Variants in PKHD1 observed in about 807,000 individuals in gnomAD.
The protein encoded by PKHD1 is fibrocystin.
PKHD1 carries 291 observed loss-of-function variants against 412.0 expected under a neutral mutation model. That is an observed-to-expected ratio of 0.71 (90% CI 0.64 to 0.78). The LOEUF (loss-of-function observed/expected upper bound fraction) is 0.78. PKHD1 is among the 30% of genes least tolerant of loss of function. The pLI is 0.00. For missense variants in PKHD1, 4,825 were observed against 4,950.7 expected (o/e 0.97, Z 0.76); for synonymous variants, 1,777 against 1,821.5 (o/e 0.98, Z 0.62).
intron 53 of PKHD1, among the ~76,000 whole-genome samples, chr6:51,777,321 C>G (rs1791192824): frequency 6.6e-6 from 1 of 152,086 alleles, no homozygotes; most frequent in South Asian, 2.1e-4. Context: ...TATAGTTCAG[C>G]CTTCACAGCC....
chr6:51,713,394 G>C (rs1780871488), intron 60 of PKHD1, among the ~76,000 whole-genome samples: 1 of 152,196 alleles, frequency 6.6e-6, no homozygotes, highest in African/African-American at 2.4e-5. Flanking sequence ...GGGAAAAAAA[G>C]TTTGGTTGGC....
chr6:51,959,928 A>C lies in PKHD1; in HGVS notation c.5850T>G (p.Asn1950Lys), dbSNP rs746505173. 6.2e-7 allele frequency: 1 copy of C among 1,613,572 alleles called. No homozygotes were observed. The highest frequency in any genetic ancestry group is 1.7e-5 in the Admixed American group (1 of 59,984). ...PQDGDNVTVE[N>K]GQLLLLDTNT... ...TAGTGTCCAGCAGAAGCAATTGGCC[A>C]TTCTCCACTGTGACGTTGTCGCCAT... Residue 1950 changes from asparagine (N) to lysine (K), a missense_variant, in exon 36 of 67, where the codon AAT becomes AAG. Physicochemically the swap from Asn to Lys is moderately conservative, Grantham distance 94. Transcript: ENST00000371117.
chr6:52,048,092 G>A (rs1441141588), intron 23 of PKHD1, among the ~76,000 whole-genome samples: 1 of 152,186 alleles, frequency 6.6e-6, no homozygotes, highest in Admixed American at 6.5e-5. Flanking sequence ...GCCACCACCA[G>A]AAGCCAGAAG....
Position 51,925,072 on chromosome 6 carries a change from C to T in PKHD1, c.6121+9038G>A, listed in dbSNP as rs551328076. Among the ~76,000 whole-genome samples the T allele has an allele frequency of 4.6e-5, 7 of 152,284 alleles. No homozygotes were observed. The East Asian group carries it at 7.7e-4, about 17-fold the overall frequency. ...CACGGTAGAGATGGGATTTGGACCA[C>T]GCAGTCCACTTCAAGAGCCCAGGCT... On this transcript the variant is annotated intron_variant, in intron 37 of 66. Transcript: ENST00000371117.
At chr6:51,768,701 C>G (rs1789542653) in intron 55 of PKHD1, among the ~76,000 whole-genome samples, 1 of 151,632 alleles carries the variant, frequency 6.6e-6, no homozygotes, top group Admixed American at 6.6e-5. Flanking sequence ...TTGGCTAAAA[C>G]TTTAATAATA....
At chr6:51,766,264 T>G (rs1409388697) in intron 55 of PKHD1, among the ~76,000 whole-genome samples, 1 of 152,206 alleles carries the variant, frequency 6.6e-6, no homozygotes, top group East Asian at 1.9e-4. Flanking sequence ...CCTATCAAGA[T>G]AGCTACCTAT....
chr6:52,015,740 C>T (rs182276497), intron 34 of PKHD1, among the ~76,000 whole-genome samples: 608 of 152,104 alleles, frequency 4.0e-3, no homozygotes, highest in African/African-American at 0.013. Flanking sequence ...AGGAGAATGG[C>T]TTGAACCCGG....
chr6:52,011,133 G>C (rs1160627669), intron 34 of PKHD1, among the ~76,000 whole-genome samples: 1 of 152,150 alleles, frequency 6.6e-6, no homozygotes, highest in African/African-American at 2.4e-5. Flanking sequence ...CGCTTTAAAA[G>C]TCCTCTTGCT....
chr6:51,705,869 C>T (rs1386397198), intron 60 of PKHD1, among the ~76,000 whole-genome samples: 3 of 152,108 alleles, frequency 2.0e-5, no homozygotes, highest in Non-Finnish European at 2.9e-5. Flanking sequence ...TGATTAATCA[C>T]AGGTGCTGGC....
At chr6:51,700,493 T>G (rs1040084323) in intron 60 of PKHD1, among the ~76,000 whole-genome samples, 14 of 152,008 alleles carry the variant, frequency 9.2e-5, no homozygotes, top group Non-Finnish European at 2.1e-4. Flanking sequence ...CTAATTCCTC[T>G]GGATTGATGG....
intron 52 of PKHD1, among the ~76,000 whole-genome samples, chr6:51,816,718 G>A (rs900717483): frequency 1.2e-4 from 19 of 152,242 alleles, no homozygotes; most frequent in African/African-American, 4.3e-4. Context: ...TAACCAATCT[G>A]GCCATTTCTG....
At chr6:51,753,074 G>A in intron 57 of PKHD1, 127 bp downstream of exon 57, 2 of 813,110 alleles carry the variant, frequency 2.5e-6, no homozygotes, top group Non-Finnish European at 4.0e-6. Flanking sequence ...GCTTCTCCAA[G>A]CACAAAGGAA....
intron 60 of PKHD1, among the ~76,000 whole-genome samples, chr6:51,730,409 T>C (rs1783097350): frequency 6.6e-6 from 1 of 152,190 alleles, no homozygotes; most frequent in East Asian, 1.9e-4. Flanking sequence ...TTGTTTTTTC[T>C]CCCTACATGA....
chr6:51,656,767 C>G (rs1407240409), intron 61 of PKHD1, among the ~76,000 whole-genome samples: 1 of 151,376 alleles, frequency 6.6e-6, no homozygotes, highest in Non-Finnish European at 1.5e-5. Flanking sequence ...CTAAAACAAT[C>G]CACCTCAGCC....
At chr6:51,668,153 C>A (rs1045647568) in intron 60 of PKHD1, among the ~76,000 whole-genome samples, 1 of 152,186 alleles carries the variant, frequency 6.6e-6, no homozygotes, top group East Asian at 1.9e-4. Flanking sequence ...GCCATTTTCA[C>A]GATATTGATT....
intron 58 of PKHD1, 94 bp downstream of exon 58, chr6:51,747,693 G>A: frequency 9.2e-7 from 1 of 1,089,534 alleles, no homozygotes; most frequent in Admixed American, 1.7e-5. Flanking sequence ...AGACCACAAT[G>A]TACCTTTTTG....
chr6:52,041,975 AAAG>A (rs1199111163), intron 27 of PKHD1, among the ~76,000 whole-genome samples: 2 of 152,184 alleles, frequency 1.3e-5, no homozygotes, highest in African/African-American at 4.8e-5. Flanking sequence ...GGTAACTTTG[AAAG>A]AAGATCAAAG....
chr6:51,909,071 TGG>T (rs894039721), intron 40 of PKHD1, among the ~76,000 whole-genome samples: 2 of 152,134 alleles, frequency 1.3e-5, no homozygotes, highest in Non-Finnish European at 2.9e-5. Flanking sequence ...CAGAATTTGT[TGG>T]GGTAAGGTCT....
chr6:51,768,133 T>C (rs929160270), intron 55 of PKHD1, among the ~76,000 whole-genome samples: 1 of 151,572 alleles, frequency 6.6e-6, no homozygotes, highest in Admixed American at 6.6e-5. Context: ...AAGTGTCAGT[T>C]CATATGCTTC....
Sources: gnomAD v4.1 joint callset for allele counts (sites outside exome capture counted in the v4.1 genomes callset) on GRCh38, gnomAD v4.1.1 for gene constraint, MANE v1.5 for transcripts, NCBI Gene and HGNC (gene_info 2026-07-23, HGNC 2026-07-21) for gene names.